KCNB2: variants seen among roughly 807,000 people sequenced by gnomAD.
KCNB2 encodes delayed rectifier potassium channel protein.
In KCNB2, 15 loss-of-function variants were observed where a neutral mutation model predicts 61.5. The observed-to-expected ratio is 0.24, with a 90% confidence interval of 0.16 to 0.38. The LOEUF (loss-of-function observed/expected upper bound fraction) is 0.38. Among genes scored for constraint, KCNB2 ranks in the 10% least tolerant of loss-of-function variants. The pLI is 1.00. For missense variants in KCNB2, 828 were observed against 1,125.2 expected (o/e 0.74, Z 3.78); for synonymous variants, 457 against 446.0 (o/e 1.02, Z -0.31).
intron 2 of KCNB2, among the ~76,000 whole-genome samples, chr8:72,587,883 GC>G (rs1259059004): frequency 4.6e-5 from 7 of 152,126 alleles, no homozygotes; most frequent in Non-Finnish European, 8.8e-5. Context: ...TTATAATTGG[GC>G]ATGTGTCCAT....
At chr8:72,747,632 G>A (rs1808099372) in intron 2 of KCNB2, among the ~76,000 whole-genome samples, 1 of 152,154 alleles carries the variant, frequency 6.6e-6, no homozygotes. Context: ...AAGTTTATTA[G>A]AGAAGTAAAG....
chr8:72,570,199 A>G (rs910952272), intron 2 of KCNB2, among the ~76,000 whole-genome samples: 1 of 152,172 alleles, frequency 6.6e-6, no homozygotes, highest in Non-Finnish European at 1.5e-5. Context: ...GCTTCAAATT[A>G]TGTCTGTATG....
intron 2 of KCNB2, chr8:72,881,712 C>G (rs942949316): frequency 2.6e-5 from 4 of 152,258 alleles, no homozygotes; most frequent in Admixed American, 6.5e-5. Context: ...TGCCCTGCCT[C>G]TAGCTCAGAG....
chr8:72,735,670 G>C (rs958111400), intron 2 of KCNB2, among the ~76,000 whole-genome samples: 2 of 152,160 alleles, frequency 1.3e-5, no homozygotes, highest in Non-Finnish European at 2.9e-5. Context: ...TATTTGCTTA[G>C]TATATTAAGA....
chr8:72,825,443 CTA>C (rs1266861238), intron 2 of KCNB2, among the ~76,000 whole-genome samples: 1 of 152,124 alleles, frequency 6.6e-6, no homozygotes, highest in Admixed American at 6.6e-5. Flanking sequence ...TATGGTAGTT[CTA>C]TGTTTGATTA....
chr8:72,676,733 A>G (rs1269471051), intron 2 of KCNB2, among the ~76,000 whole-genome samples: 1 of 152,144 alleles, frequency 6.6e-6, no homozygotes, highest in Non-Finnish European at 1.5e-5. Flanking sequence ...TTGGGCAAGC[A>G]GGGGTTAACT....
At chr8:72,846,766 T>C (rs1168362186) in intron 2 of KCNB2, among the ~76,000 whole-genome samples, 1 of 152,018 alleles carries the variant, frequency 6.6e-6, no homozygotes, top group Non-Finnish European at 1.5e-5. Context: ...CAACAGGTGC[T>C]GGAGAGGATG....
In KCNB2 at chr8:72,553,724, A is replaced by T. The variant is rs557285740; in HGVS notation, c.-93-13918A>T. On this transcript the variant is annotated intron_variant, in intron 1 of 2. Coordinates refer to ENST00000523207, the MANE Select transcript of KCNB2 (RefSeq NM_004770.3). ...TTCTGGTTTCATTCCAGCCCAGCCA[A>T]ATAATTTCCAGCATAATAAACACAA... Among the ~76,000 whole-genome samples, 6 of 152,290 alleles carry T rather than the reference A, an allele frequency of 3.9e-5. No homozygotes were observed. In the East Asian group the frequency reaches 1.2e-3, roughly 29 times the overall value.
intron 2 of KCNB2, chr8:72,750,149 C>A (rs1007944021): frequency 1.3e-5 from 2 of 152,038 alleles, no homozygotes; most frequent in African/African-American, 2.4e-5. Context: ...CTGTATATAA[C>A]CTTCTGTGAC....
chr8:72,619,425 C>T, intron 2 of KCNB2: 1 of 360,154 alleles, frequency 2.8e-6, no homozygotes. Context: ...TGTCCTGGAG[C>T]TTGTTGCATT....
rs183415883 is a variant in KCNB2, at chr8:72,561,814, T to A, written c.-93-5828T>A. ...ACATATATATATATATGAATGATAG[T>A]TTTTAACTTGCTATAATGTTATTGG... is the stretch of plus-strand genomic sequence containing the variant. On this transcript the variant is annotated intron_variant, in intron 1 of 2. Transcript: ENST00000523207. 3.5e-3 allele frequency among the ~76,000 whole-genome samples: 468 copies of A among 134,266 alleles called. 33 individuals are homozygous for A. Among genetic ancestry groups the A allele is most frequent in the Non-Finnish European group, 5.9e-3 (375 of 63,236 alleles). 88.1% of individuals were successfully genotyped at this position (134,266 alleles called of 152,430 possible).
intron 2 of KCNB2, among the ~76,000 whole-genome samples, chr8:72,597,312 G>A (rs1807215873): frequency 6.6e-6 from 1 of 152,102 alleles, no homozygotes; most frequent in Non-Finnish European, 1.5e-5. Context: ...GGGATTACAG[G>A]CGTGAGCCAC....
chr8:72,832,271 A>G (rs953549017), intron 2 of KCNB2, among the ~76,000 whole-genome samples: 1 of 152,184 alleles, frequency 6.6e-6, no homozygotes, highest in Non-Finnish European at 1.5e-5. Context: ...GCAGAAAATG[A>G]GTTATGAAAG....
At chr8:72,829,976 G>A in intron 2 of KCNB2, among the ~76,000 whole-genome samples, 1 of 135,026 alleles carries the variant, frequency 7.4e-6, no homozygotes. Flanking sequence ...GAAAAAAGCT[G>A]CTGCTTCAAA....
intron 2 of KCNB2, among the ~76,000 whole-genome samples, chr8:72,788,184 T>TA (rs1410977242): frequency 6.6e-6 from 1 of 152,160 alleles, no homozygotes; most frequent in Non-Finnish European, 1.5e-5. Flanking sequence ...GTAACCCAGG[T>TA]GCATTGGTCT....
At chr8:72,715,327 G>T (rs1470087386) in intron 2 of KCNB2, among the ~76,000 whole-genome samples, 2 of 152,128 alleles carry the variant, frequency 1.3e-5, no homozygotes, top group East Asian at 3.9e-4. Context: ...GACATTTACA[G>T]AACTGTCCAC....
chr8:72,871,973 G>C (rs1009339027), intron 2 of KCNB2, among the ~76,000 whole-genome samples: 1 of 152,134 alleles, frequency 6.6e-6, no homozygotes, highest in Non-Finnish European at 1.5e-5. Flanking sequence ...ATTACACCTT[G>C]GAGCATAATC....
At chr8:72,856,763 C>G (rs1275975698) in intron 2 of KCNB2, among the ~76,000 whole-genome samples, 1 of 152,070 alleles carries the variant, frequency 6.6e-6, no homozygotes, top group Non-Finnish European at 1.5e-5. Flanking sequence ...ATTTTAAATT[C>G]TGGAAAATAC....
intron 2 of KCNB2, among the ~76,000 whole-genome samples, chr8:72,849,827 A>G (rs552976999): frequency 4.3e-4 from 66 of 152,280 alleles, no homozygotes; most frequent in African/African-American, 1.5e-3. Context: ...CTTGGGAGGC[A>G]GTCTGGAATC....
Sources: allele counts gnomAD v4.1 joint callset (sites outside exome capture counted in the v4.1 genomes callset), GRCh38; gene constraint gnomAD v4.1.1; transcripts MANE v1.5; gene names NCBI Gene and HGNC (gene_info 2026-07-23, HGNC 2026-07-21).